Variants in PPFIA2 observed in about 807,000 individuals in gnomAD.
PPFIA2 encodes the protein liprin-alpha-2.
PPFIA2 carries 46 observed loss-of-function variants against 175.5 expected under a neutral mutation model. That is an observed-to-expected ratio of 0.26 (90% CI 0.21 to 0.34). The LOEUF is 0.34. Ranked by LOEUF, PPFIA2 falls within the 10% of genes least tolerant of loss-of-function variation. PPFIA2 has a pLI of 1.00. For missense variants in PPFIA2, 1,179 were observed against 1,506.1 expected, an observed-to-expected ratio of 0.78 and a Z score of 3.60; for synonymous variants, 568 against 511.4, an observed-to-expected ratio of 1.11 and a Z score of -1.49.
intron 4 of PPFIA2, among the ~76,000 whole-genome samples, chr12:81,462,493 T>A (rs1171644258): frequency 6.8e-6 from 1 of 146,578 alleles, no homozygotes; most frequent in African/African-American, 2.5e-5. Context: ...CTGTATTATA[T>A]ATTGTATTCT....
intron 7 of PPFIA2, among the ~76,000 whole-genome samples, chr12:81,436,456 G>T (rs1057136307): frequency 1.3e-5 from 2 of 151,208 alleles, no homozygotes; most frequent in African/African-American, 4.9e-5. Flanking sequence ...ATGAAAATTT[G>T]CTCTTTTTTT....
At chr12:81,477,249 C>T (rs1007325930) in intron 4 of PPFIA2, among the ~76,000 whole-genome samples, 2 of 151,786 alleles carry the variant, frequency 1.3e-5, no homozygotes, top group Non-Finnish European at 2.9e-5. Context: ...GAAATTTAGT[C>T]TGAAGAAGAA....
At chr12:81,543,161 C>A (rs896705938) in intron 4 of PPFIA2, among the ~76,000 whole-genome samples, 1 of 152,084 alleles carries the variant, frequency 6.6e-6, no homozygotes, top group African/African-American at 2.4e-5. Flanking sequence ...TGGTTTCTAA[C>A]ACCATTCTCC....
chr12:81,561,925 G>A (rs1002816918), intron 4 of PPFIA2, among the ~76,000 whole-genome samples: 1 of 152,146 alleles, frequency 6.6e-6, no homozygotes, highest in Non-Finnish European at 1.5e-5. Context: ...TTTTGATGAA[G>A]TTTTACCAAA....
chr12:81,298,363 A>G (rs2047004196), intron 23 of PPFIA2: 2 of 152,228 alleles, frequency 1.3e-5, no homozygotes, highest in Non-Finnish European at 2.9e-5. Flanking sequence ...GCGTGTTTCT[A>G]GATCTATCTA....
At position 81,637,346 on chromosome 12, in the gene PPFIA2, C is replaced by T. The variant is rs1044789714; in HGVS notation, c.303+39445G>A. 5.4e-5 allele frequency among the ~76,000 whole-genome samples: 8 copies of T among 147,082 alleles called. 1 individual carries two copies. Among genetic ancestry groups the T allele is most frequent in the South Asian group, 4.3e-4 (2 of 4,624 alleles). On this transcript the variant is annotated intron_variant, in intron 4 of 32. Coordinates refer to ENST00000549396, the MANE Select transcript of PPFIA2 (RefSeq NM_003625.5). Reference sequence around the variant, plus strand: ...CCCGAACTCCCAACCTCAGGTGTTCCGCCCGCCTCGGCCTCCCAAACTGCT... The same window carrying T: ...CCCGAACTCCCAACCTCAGGTGTTCTGCCCGCCTCGGCCTCCCAAACTGCT...
At position 81,347,643 on chromosome 12, in the gene PPFIA2, C is replaced by A; in HGVS notation, c.2122G>T (p.Val708Phe). Residue 708 changes from valine (V) to phenylalanine (F), a missense_variant, in exon 18 of 33, where the codon GTT becomes TTT. Val to Phe is a conservative substitution (Grantham distance 50). This residue lies in a region of PPFIA2 where 223 missense variants were observed against 241.6 expected (regional missense o/e 0.92). Transcript: ENST00000549396. The part of the protein sequence containing the change: ...VHPGTSITAS[V>F]TASSLASSSP... Reference sequence around the variant, plus strand: ...GAACTGGCCAGCGATGAAGCTGTAACAGAGGCAGTAATGGAGGTACCTGGG... The same window carrying A: ...GAACTGGCCAGCGATGAAGCTGTAAAAGAGGCAGTAATGGAGGTACCTGGG... 6.2e-7 allele frequency: 1 copy of A among 1,613,814 alleles called. No homozygotes were observed. Among genetic ancestry groups the A allele is most frequent in the Non-Finnish European group, 8.5e-7 (1 of 1,179,800 alleles).
At chr12:81,571,720 T>C (rs973542901) in intron 4 of PPFIA2, among the ~76,000 whole-genome samples, 1 of 152,146 alleles carries the variant, frequency 6.6e-6, no homozygotes, top group African/African-American at 2.4e-5. Context: ...GAAATAATTA[T>C]ATCCATTTAA....
chr12:81,365,441 T>C (rs751458446), intron 14 of PPFIA2, among the ~76,000 whole-genome samples: 14 of 151,752 alleles, frequency 9.2e-5, no homozygotes, highest in South Asian at 4.1e-4. Flanking sequence ...CTTAGGCAGA[T>C]TGTTGGAGTT....
intron 3 of PPFIA2, among the ~76,000 whole-genome samples, chr12:81,714,926 C>T (rs1401271137): frequency 2.6e-5 from 4 of 151,012 alleles, no homozygotes; most frequent in African/African-American, 9.7e-5. Context: ...TCTAGCAGCA[C>T]ATGTCAGCTC....
intron 7 of PPFIA2, among the ~76,000 whole-genome samples, chr12:81,413,272 G>T (rs189065748): frequency 6.6e-6 from 1 of 151,310 alleles, no homozygotes; most frequent in Admixed American, 6.6e-5. Flanking sequence ...CTACATGAAT[G>T]AAAAAAAAGC....
At chr12:81,550,416 A>T (rs2067719702) in intron 4 of PPFIA2, among the ~76,000 whole-genome samples, 1 of 152,030 alleles carries the variant, frequency 6.6e-6, no homozygotes. Flanking sequence ...AAAAATAGTA[A>T]TTGGATATCT....
chr12:81,459,606 C>T (rs1320745452), intron 4 of PPFIA2, among the ~76,000 whole-genome samples: 3 of 151,958 alleles, frequency 2.0e-5, no homozygotes, highest in Admixed American at 6.6e-5. Context: ...AATATGTTTT[C>T]GTGCTTTGAA....
At chr12:81,578,988 T>C (rs1309331429) in intron 4 of PPFIA2, among the ~76,000 whole-genome samples, 1 of 151,832 alleles carries the variant, frequency 6.6e-6, no homozygotes, top group Non-Finnish European at 1.5e-5. Context: ...CATTTAAAAA[T>C]AATGCTCATT....
At chr12:81,705,616 T>C (rs967091558) in intron 3 of PPFIA2, among the ~76,000 whole-genome samples, 7 of 152,050 alleles carry the variant, frequency 4.6e-5, no homozygotes, top group African/African-American at 1.7e-4. Context: ...ACAAGCACAA[T>C]ATCTCAGTGA....
intron 4 of PPFIA2, among the ~76,000 whole-genome samples, chr12:81,553,250 A>G (rs2068246631): frequency 6.6e-6 from 1 of 152,120 alleles, no homozygotes. Context: ...GGAAATAAAA[A>G]TAGGAAAAAA....
chr12:81,649,103 A>T (rs1483694126), intron 4 of PPFIA2, among the ~76,000 whole-genome samples: 1 of 152,094 alleles, frequency 6.6e-6, no homozygotes, highest in East Asian at 1.9e-4. Flanking sequence ...GGAAAAAAAT[A>T]AATTGGACTT....
At chr12:81,533,355 T>C (rs761137111) in intron 4 of PPFIA2, among the ~76,000 whole-genome samples, 2 of 151,702 alleles carry the variant, frequency 1.3e-5, no homozygotes, top group Non-Finnish European at 3.0e-5. Flanking sequence ...AATTTATGCA[T>C]ATATTTTTAA....
chr12:81,677,499 C>T (rs1217040099), intron 3 of PPFIA2, among the ~76,000 whole-genome samples: 1 of 151,856 alleles, frequency 6.6e-6, no homozygotes, highest in South Asian at 2.1e-4. Context: ...TCACCACCTC[C>T]CAACTAGCCT....
Sources: allele counts gnomAD v4.1 joint callset (sites outside exome capture counted in the v4.1 genomes callset), GRCh38; gene constraint gnomAD v4.1.1; regional missense constraint gnomAD v4.1.1; transcripts MANE v1.5; gene names NCBI Gene and HGNC (gene_info 2026-07-23, HGNC 2026-07-21).